ERAP2: variants seen among roughly 807,000 people sequenced by gnomAD.
ERAP2 encodes endoplasmic reticulum aminopeptidase 2.
In ERAP2, 118 loss-of-function variants were observed where a neutral mutation model predicts 111.1. The ratio of observed to expected loss-of-function variants is 1.06; its 90% CI spans 0.92 to 1.24. The LOEUF (loss-of-function observed/expected upper bound fraction) is 1.24. Among genes scored for constraint, ERAP2 ranks in the 50% most tolerant of loss-of-function variants. The pLI is 0.00. For missense variants in ERAP2, 1,131 were observed against 1,125.8 expected, an observed-to-expected ratio of 1.00 and a Z score of -0.07; for synonymous variants, 410 against 401.2, an observed-to-expected ratio of 1.02 and a Z score of -0.26.
rs753821499 is a variant in ERAP2 at position 96,886,648 on chromosome 5, T to C, written c.715-7T>C. ...CAAGTACTGATTATTCCTTTTCCTT[T>C]CTGTAGGTTAAGACAATTGAACTTG... On this transcript the variant is annotated splice_polypyrimidine_tract_variant and splice_region_variant and intron_variant, in intron 3 of 18. Coordinates refer to ENST00000437043, the MANE Select transcript of ERAP2 (RefSeq NM_022350.5). 6 of 1,500,700 alleles carry C rather than the reference T, an allele frequency of 4.0e-6. No individual in the cohort carries two copies. The highest frequency in any genetic ancestry group is 1.4e-5 in the African/African-American group (1 of 72,838). The allele number at this position is 1,500,700 out of a possible 1,614,324, so 93.0% of individuals were successfully genotyped here.
At chr5:96,887,124 C>T (rs1783835441) in intron 4 of ERAP2, among the ~76,000 whole-genome samples, 1 of 146,590 alleles carries the variant, frequency 6.8e-6, no homozygotes, top group Non-Finnish European at 1.5e-5. Flanking sequence ...CACACACACA[C>T]ACATACATAT....
At chr5:96,898,310 C>T (rs999789433) in intron 9 of ERAP2, among the ~76,000 whole-genome samples, 2 of 152,018 alleles carry the variant, frequency 1.3e-5, no homozygotes, top group South Asian at 4.1e-4. Flanking sequence ...ATAAAGCACA[C>T]TTATGGTCCA....
At chr5:96,916,456 C>A (rs1470150941) in intron 18 of ERAP2, among the ~76,000 whole-genome samples, 10 of 97,632 alleles carry the variant, frequency 1.0e-4, no homozygotes, top group Admixed American at 2.5e-4. Context: ...TTCTAGTTAT[C>A]TTTTTTTTTT....
intron 8 of ERAP2, 97 bp downstream of exon 8, chr5:96,896,601 C>T (rs1784880910): frequency 1.4e-6 from 2 of 1,473,916 alleles, no homozygotes; most frequent in South Asian, 2.6e-5. Flanking sequence ...GTTCCTGCTA[C>T]TTGTTTCACT....
Position 96,880,143 on chromosome 5 carries a change from C to T in ERAP2, c.458C>T (p.Pro153Leu), listed in dbSNP as rs1782983362. Reference protein sequence around the residue: ...PAHEQIALLVPEKLTPHLKYY... With the variant: ...PAHEQIALLVLEKLTPHLKYY... The stretch of plus-strand genomic sequence containing the variant: ...CATGAACAAATTGCACTGCTGGTTC[C>T]AGAGAAACTTACGCCTCACCTGAAA... Residue 153 changes from proline to leucine, a missense_variant, in exon 2 of 19, where the codon CCA (proline) becomes CTA (leucine). Transcript: ENST00000437043. 6.2e-7 allele frequency: 1 copy of T among 1,614,030 alleles called. No individual in the cohort carries two copies. Among genetic ancestry groups the T allele is most frequent in the Non-Finnish European group, 8.5e-7 (1 of 1,179,976 alleles).
At chr5:96,890,933 A>G (rs1784282281) in intron 5 of ERAP2, among the ~76,000 whole-genome samples, 1 of 152,250 alleles carries the variant, frequency 6.6e-6, no homozygotes, top group African/African-American at 2.4e-5. Flanking sequence ...TAAAGAGCAT[A>G]TGAAATATCT....
chr5:96,916,212 C>T (rs768744293), intron 18 of ERAP2, among the ~76,000 whole-genome samples: 1 of 148,772 alleles, frequency 6.7e-6, no homozygotes, highest in African/African-American at 2.5e-5. Context: ...CAGAGTGAGA[C>T]TCCATCTCAA....
chr5:96,901,464 G>C lies in ERAP2; in HGVS notation c.1573-42G>C. 1.9e-6 allele frequency: 3 copies of C among 1,595,590 alleles called. No homozygotes were observed. The South Asian group carries it at 3.4e-5, about 18-fold the overall frequency. ...GTTTCTGTCCCTCTGTCTTTGGATT[G>C]TCTCCTCTCTCTTGAGTTATCATAG... On this transcript the variant is annotated intron_variant, in intron 10 of 18. Coordinates refer to ENST00000437043, the MANE Select transcript of ERAP2 (RefSeq NM_022350.5).
intron 3 of ERAP2, among the ~76,000 whole-genome samples, chr5:96,886,425 C>A (rs1169652560): frequency 6.6e-6 from 1 of 152,118 alleles, no homozygotes; most frequent in Admixed American, 6.5e-5. Context: ...CATTTTTGTG[C>A]TTTGGGGATC....
chr5:96,889,548 G>A (rs2278019), intron 5 of ERAP2: 373,905 of 683,702 alleles, frequency 0.55, 102,908 homozygotes, highest in Middle Eastern at 0.64. Flanking sequence ...TATCTGCATC[G>A]AACTCTTTCC....
chr5:96,917,390 GGATTACA>G, intron 18 of ERAP2, 65 bp from the exon 19 acceptor site: 1 of 1,462,024 alleles, frequency 6.8e-7, no homozygotes, highest in Admixed American at 2.0e-5. Context: ...CGAAGTGCTG[GGATTACA>G]GGTGTGAACC....
intron 15 of ERAP2, among the ~76,000 whole-genome samples, chr5:96,910,476 A>C (rs1003145590): frequency 2.0e-5 from 3 of 152,038 alleles, no homozygotes; most frequent in African/African-American, 4.8e-5. Context: ...TTAAAAAAAA[A>C]CCTTTTAAAT....
At chr5:96,913,697 T>A (rs1787055680) in intron 17 of ERAP2, among the ~76,000 whole-genome samples, 1 of 152,230 alleles carries the variant, frequency 6.6e-6, no homozygotes, top group Non-Finnish European at 1.5e-5. Context: ...AAGAAACCAC[T>A]GGCATCAAGT....
intron 2 of ERAP2, chr5:96,880,898 C>CA (rs1191731056): frequency 4.4e-5 from 7 of 160,066 alleles, no homozygotes; most frequent in African/African-American, 1.4e-4. Flanking sequence ...AAACAAGGTG[C>CA]AAGAAAGGTA....
chr5:96,900,318 C>T, intron 10 of ERAP2, 129 bp downstream of exon 10: 1 of 1,380,104 alleles, frequency 7.2e-7, no homozygotes, highest in Non-Finnish European at 9.6e-7. Flanking sequence ...CCACGATTTT[C>T]TCTAAAACAA....
At chr5:96,878,013 G>C (rs1035362654) in intron 1 of ERAP2, among the ~76,000 whole-genome samples, 5 of 152,210 alleles carry the variant, frequency 3.3e-5, no homozygotes, top group Non-Finnish European at 1.5e-5. Flanking sequence ...TTCATGGTTT[G>C]AGTTGGAGCA....
intron 9 of ERAP2, 53 bp downstream of exon 9, chr5:96,896,916 G>C: frequency 6.7e-7 from 1 of 1,485,170 alleles, no homozygotes; most frequent in African/African-American, 1.4e-5. Context: ...GAAAGTAACA[G>C]AATAATTGTG....
At chr5:96,915,279 G>T (rs984344113) in intron 17 of ERAP2, among the ~76,000 whole-genome samples, 1 of 152,084 alleles carries the variant, frequency 6.6e-6, no homozygotes, top group African/African-American at 2.4e-5. Flanking sequence ...AAAGTTCTGG[G>T]ATTACAGGTG....
chr5:96,896,742 T>A lies in ERAP2; in HGVS notation c.1382T>A (p.Ile461Asn). The change falls in exon 9 of 19, where the codon ATT becomes AAT. Residue 461 changes from isoleucine (I) to asparagine (N), a missense_variant. Transcript: ENST00000437043. Reference sequence around the variant, plus strand: ...TGTTTTTTTTTAAAGGGAGCTTGTATTTTGAATATGCTCAAGGATTTTCTG... The same window carrying A: ...TGTTTTTTTTTAAAGGGAGCTTGTAATTTGAATATGCTCAAGGATTTTCTG... ...DEVSYNKGAC[I>N]LNMLKDFLGE... is the part of the protein sequence containing the mutation. The A allele has an allele frequency of 6.3e-7, 1 of 1,579,054 alleles. No homozygotes were observed. The highest frequency in any genetic ancestry group is 8.5e-7 in the Non-Finnish European group (1 of 1,169,954).
Sources: allele counts gnomAD v4.1 joint callset (sites outside exome capture counted in the v4.1 genomes callset), GRCh38; gene constraint gnomAD v4.1.1; transcripts MANE v1.5; gene names NCBI Gene and HGNC (gene_info 2026-07-23, HGNC 2026-07-21).